KCNJ10: variants seen among roughly 807,000 people sequenced by gnomAD.
The protein encoded by KCNJ10 is potassium inwardly rectifying channel subfamily J member 10.
KCNJ10 carries 9 observed loss-of-function variants against 22.2 expected under a neutral mutation model. The observed-to-expected ratio is 0.40, with a 90% confidence interval of 0.24 to 0.71. The LOEUF is 0.71. Among genes scored for constraint, KCNJ10 ranks in the 30% least tolerant of loss-of-function variants. The probability of loss-of-function intolerance (pLI) is 0.35; values close to 1 mark genes in which losing one functional copy is unlikely to be tolerated. For synonymous variants in KCNJ10, 184 were observed against 187.3 expected (o/e 0.98, Z 0.15); for missense variants, 337 against 482.7 (o/e 0.70, Z 2.83).
intron 1 of KCNJ10, among the ~76,000 whole-genome samples, chr1:160,065,805 T>C (rs1649312243): frequency 6.6e-6 from 1 of 152,060 alleles, no homozygotes; most frequent in Non-Finnish European, 1.5e-5. Context: ...AAGGGCAAGA[T>C]AAAACTGATG....
chr1:160,047,483 C>T (rs1467476977), intron 1 of KCNJ10, among the ~76,000 whole-genome samples: 1 of 152,170 alleles, frequency 6.6e-6, no homozygotes, highest in Admixed American at 6.5e-5. Flanking sequence ...GACAATCTTT[C>T]ACAGGCCCCC....
chr1:160,043,904 T>C (rs1648677218), intron 1 of KCNJ10, among the ~76,000 whole-genome samples: 1 of 152,218 alleles, frequency 6.6e-6, no homozygotes, highest in Admixed American at 6.5e-5. Flanking sequence ...CTGGATCTGA[T>C]AGCCAGATCT....
chr1:160,041,522 G>A lies in KCNJ10; in HGVS notation c.1011C>T (p.Ala337=), dbSNP rs2101924613. 1.9e-6 allele frequency: 3 copies of A among 1,614,188 alleles called. No homozygotes were observed. The highest frequency in any genetic ancestry group is 2.5e-6 in the Non-Finnish European group (3 of 1,180,026). Residue 337 remains alanine (A), a synonymous_variant, in exon 2 of 2, where the codon GCC becomes GCT. Coordinates refer to ENST00000644903, the MANE Select transcript of KCNJ10 (RefSeq NM_002241.5). This position sits in a 1 kb window ranked among gnomAD's most constrained non-coding sequence, Gnocchi z 4.4. ...FSLFDQVVKV[A]SPSGLRDSTV... ...TGCTGTCACGGAGGCCACTAGGAGA[G>A]GCCACTTTCACAACTTGGTCAAAAA... is the stretch of plus-strand genomic sequence containing the variant.
intron 1 of KCNJ10, among the ~76,000 whole-genome samples, chr1:160,051,988 T>A (rs1024052447): frequency 1.3e-4 from 20 of 152,180 alleles, no homozygotes; most frequent in African/African-American, 4.3e-4. Context: ...GGTAATAGTA[T>A]GCTATCCATC....
In KCNJ10 at chr1:160,038,961, C is replaced by G; in HGVS notation, c.*2432G>C. ...TGTGCCTACTACTCTGCTGATATTC[C>G]AAGTCCACAGTTGGTATGGGGGCCC... On this transcript the variant is annotated 3_prime_UTR_variant, in exon 2 of 2. Coordinates refer to ENST00000644903, the MANE Select transcript of KCNJ10 (RefSeq NM_002241.5). 6.6e-6 allele frequency: 1 copy of G among 152,394 alleles called. No homozygotes were observed. Among genetic ancestry groups the G allele is most frequent in the East Asian group, 1.9e-4 (1 of 5,196 alleles). The allele number at this position is 152,394 out of a possible 1,614,324, so 9.4% of individuals were successfully genotyped here.
At chr1:160,058,157 C>T (rs1001387846) in intron 1 of KCNJ10, among the ~76,000 whole-genome samples, 2 of 152,238 alleles carry the variant, frequency 1.3e-5, no homozygotes, top group African/African-American at 4.8e-5. Context: ...TGATGTTCTA[C>T]ATCACTTTTC....
At chr1:160,056,963 T>C (rs527288781) in intron 1 of KCNJ10, among the ~76,000 whole-genome samples, 1 of 152,222 alleles carries the variant, frequency 6.6e-6, no homozygotes, top group Non-Finnish European at 1.5e-5. Flanking sequence ...CTATTTCTTA[T>C]CCTGGCATGT....
At chr1:160,047,642 C>T (rs56391780) in intron 1 of KCNJ10, among the ~76,000 whole-genome samples, 4,244 of 152,256 alleles carry the variant, frequency 0.028, 91 homozygotes, top group Non-Finnish European at 0.043. Flanking sequence ...TTCCCTGACT[C>T]TCAAAAAAAC....
intron 1 of KCNJ10, among the ~76,000 whole-genome samples, chr1:160,061,671 G>A (rs2101934519): frequency 6.7e-6 from 1 of 149,312 alleles, no homozygotes; most frequent in South Asian, 2.2e-4. Context: ...ACCAGTGTCA[G>A]AGCAGCAGAG....
intron 1 of KCNJ10, among the ~76,000 whole-genome samples, chr1:160,051,906 G>A (rs771491051): frequency 2.6e-5 from 4 of 151,840 alleles, no homozygotes; most frequent in Non-Finnish European, 5.9e-5. Flanking sequence ...CTTTGCCTTT[G>A]TATTGCCTAC....
At chr1:160,047,547 T>G (rs78178983) in intron 1 of KCNJ10, among the ~76,000 whole-genome samples, 259 of 152,310 alleles carry the variant, frequency 1.7e-3, no homozygotes, top group Middle Eastern at 0.014. Flanking sequence ...TGGACCTGCT[T>G]CTGCACTGCC....
At chr1:160,064,278 C>T (rs1425685373) in intron 1 of KCNJ10, among the ~76,000 whole-genome samples, 3 of 152,190 alleles carry the variant, frequency 2.0e-5, no homozygotes, top group Admixed American at 2.0e-4. Context: ...GCTAACAATA[C>T]ATTATTTGCC....
At chr1:160,064,647 T>C (rs940668311) in intron 1 of KCNJ10, 1 of 152,240 alleles carries the variant, frequency 6.6e-6, no homozygotes, top group Admixed American at 6.5e-5. Flanking sequence ...AAAGTGGTCC[T>C]GAGGTCAAAA....
chr1:160,042,280 C>T lies in KCNJ10; in HGVS notation c.253G>A (p.Val85Met). The change falls in exon 2 of 2, where the codon GTG (valine) becomes ATG (methionine). Residue 85 changes from valine (V) to methionine (M), a missense_variant. Transcript: ENST00000644903. ...FAGTWFLFGVVWYLVAVAHGD... is the reference protein window; with the variant it reads ...FAGTWFLFGVMWYLVAVAHGD... ...TGTGCCACAGCTACCAGATACCACA[C>T]CACGCCAAAGAGGAACCATGTGCCT... 1 of 1,614,144 alleles carries T rather than the reference C, an allele frequency of 6.2e-7. No individual in the cohort carries two copies. Among genetic ancestry groups the T allele is most frequent in the Non-Finnish European group, 8.5e-7 (1 of 1,179,984 alleles).
At chr1:160,058,490 C>T (rs997122487) in intron 1 of KCNJ10, among the ~76,000 whole-genome samples, 1 of 152,200 alleles carries the variant, frequency 6.6e-6, no homozygotes, top group African/African-American at 2.4e-5. Flanking sequence ...CAGGCCTAAG[C>T]CAAAACTTGT....
chr1:160,051,842 A>C (rs1459720607), intron 1 of KCNJ10, among the ~76,000 whole-genome samples: 2 of 151,016 alleles, frequency 1.3e-5, no homozygotes, highest in East Asian at 3.9e-4. Flanking sequence ...CTCTCTTTTC[A>C]TCCTGGCTGT....
intron 1 of KCNJ10, among the ~76,000 whole-genome samples, chr1:160,053,682 T>G (rs1221966813): frequency 2.6e-5 from 4 of 152,008 alleles, no homozygotes; most frequent in African/African-American, 9.7e-5. Context: ...TGTCTCCCAC[T>G]CCCTGGTCTC....
chr1:160,042,678 A>C (rs1416099441), intron 1 of KCNJ10, 146 bp from the exon 2 acceptor site: 2 of 852,482 alleles, frequency 2.3e-6, no homozygotes, highest in Non-Finnish European at 3.8e-6. Context: ...AGCACTTGCT[A>C]TGTGCCAGGC....
At chr1:160,054,981 C>T (rs1176595685) in intron 1 of KCNJ10, among the ~76,000 whole-genome samples, 1 of 152,170 alleles carries the variant, frequency 6.6e-6, no homozygotes, top group African/African-American at 2.4e-5. Flanking sequence ...GAAGACTGAC[C>T]TCCCCAACCA....
Sources: allele counts gnomAD v4.1 joint callset (sites outside exome capture counted in the v4.1 genomes callset), GRCh38; gene constraint gnomAD v4.1.1; non-coding constraint Gnocchi (gnomAD v3.1); transcripts MANE v1.5; gene names NCBI Gene and HGNC (gene_info 2026-07-23, HGNC 2026-07-21).